CCDC178: variants seen among roughly 807,000 people sequenced by gnomAD.
CCDC178 encodes coiled-coil domain containing 178.
A neutral mutation model predicts 117.4 loss-of-function variants in CCDC178; 126 were observed. The ratio of observed to expected loss-of-function variants is 1.07; its 90% CI spans 0.93 to 1.24. The LOEUF is 1.24. Among genes scored for constraint, CCDC178 ranks in the 50% most tolerant of loss-of-function variants. The probability of loss-of-function intolerance (pLI) is 0.00; values close to 1 mark genes in which losing one functional copy is unlikely to be tolerated. For missense variants in CCDC178, 1,030 were observed against 986.9 expected, an observed-to-expected ratio of 1.04 and a Z score of -0.59; for synonymous variants, 283 against 313.4, an observed-to-expected ratio of 0.90 and a Z score of 1.02.
At chr18:33,354,168 T>A (rs558772643) in intron 7 of CCDC178, among the ~76,000 whole-genome samples, 2 of 152,268 alleles carry the variant, frequency 1.3e-5, no homozygotes, top group East Asian at 3.9e-4. Context: ...GTACTGAGGG[T>A]CCCTGGTACA....
intron 11 of CCDC178, among the ~76,000 whole-genome samples, chr18:33,307,936 G>A (rs1413219191): frequency 1.3e-5 from 2 of 152,230 alleles, no homozygotes; most frequent in South Asian, 2.1e-4. Context: ...ACACATGGAT[G>A]TCCAGGAAGA....
chr18:33,140,278 C>T (rs1162555047), intron 20 of CCDC178, among the ~76,000 whole-genome samples: 1 of 152,110 alleles, frequency 6.6e-6, no homozygotes, highest in East Asian at 1.9e-4. Context: ...TGGGGCATCA[C>T]CTAGTGGAGT....
chr18:33,128,994 G>A (rs559621371), intron 20 of CCDC178, among the ~76,000 whole-genome samples: 146 of 152,126 alleles, frequency 9.6e-4, no homozygotes, highest in African/African-American at 3.3e-3. Flanking sequence ...GAATGAAACC[G>A]TTATGAGATA....
intron 2 of CCDC178, among the ~76,000 whole-genome samples, chr18:33,431,057 C>T (rs1399607417): frequency 7.0e-6 from 1 of 142,904 alleles, no homozygotes; most frequent in Non-Finnish European, 1.5e-5. Context: ...CCTGGGCAAC[C>T]GTGCGAGACT....
intron 17 of CCDC178, among the ~76,000 whole-genome samples, chr18:33,223,448 A>G (rs1414775968): frequency 6.6e-6 from 1 of 152,168 alleles, no homozygotes; most frequent in Non-Finnish European, 1.5e-5. Flanking sequence ...TAGTTAAGTA[A>G]CAAAAATAAA....
intron 20 of CCDC178, among the ~76,000 whole-genome samples, chr18:33,103,844 T>C (rs1364439114): frequency 6.6e-6 from 1 of 151,796 alleles, no homozygotes; most frequent in Non-Finnish European, 1.5e-5. Context: ...TAAAGTTTAA[T>C]TTCATGGGCA....
chr18:33,323,583 T>C lies in CCDC178; in HGVS notation c.930A>G (p.Glu310=). The change falls in exon 11 of 23, where the codon GAA becomes GAG. Residue 310 remains glutamate, a synonymous_variant. Coordinates refer to ENST00000383096, the MANE Select transcript of CCDC178 (RefSeq NM_001105528.4). The part of the protein sequence containing the change: ...KVNEELEEAL[E]ACENARLKAQ... ...CCTTCAATCTGGCATTTTCACAGGC[T>C]TCTAAAGCTTCTTCAAGTTCTTCAT... 6.4e-7 allele frequency: 1 copy of C among 1,562,860 alleles called. No individual in the cohort carries two copies. Among genetic ancestry groups the C allele is most frequent in the Admixed American group, 1.8e-5 (1 of 54,164 alleles).
intron 10 of CCDC178, among the ~76,000 whole-genome samples, chr18:33,331,308 A>C (rs1046946234): frequency 1.3e-5 from 2 of 152,058 alleles, no homozygotes; most frequent in African/African-American, 4.8e-5. Flanking sequence ...TAAGTTGCTT[A>C]AACAAGGTTG....
intron 20 of CCDC178, among the ~76,000 whole-genome samples, chr18:33,143,410 G>C (rs535481883): frequency 1.3e-5 from 2 of 152,258 alleles, no homozygotes; most frequent in Admixed American, 6.5e-5. Context: ...ATCACATTGT[G>C]AGTTAGGAGG....
chr18:33,345,904 T>C (rs1201046143), intron 9 of CCDC178, among the ~76,000 whole-genome samples: 2 of 152,174 alleles, frequency 1.3e-5, no homozygotes, highest in East Asian at 1.9e-4. Flanking sequence ...TGGGGCTCAC[T>C]GCAGCCTCAA....
At chr18:33,095,897 A>G (rs1049217203) in intron 20 of CCDC178, among the ~76,000 whole-genome samples, 1 of 151,956 alleles carries the variant, frequency 6.6e-6, no homozygotes, top group Non-Finnish European at 1.5e-5. Context: ...TTTAACAAGA[A>G]TTCTTTATTT....
At chr18:33,106,892 A>C (rs749969724) in intron 20 of CCDC178, among the ~76,000 whole-genome samples, 2 of 151,776 alleles carry the variant, frequency 1.3e-5, no homozygotes, top group Admixed American at 6.6e-5. Context: ...TTAAAGAAGA[A>C]GGCTACAAGC....
At chr18:33,041,204 C>T (rs1190640839) in intron 21 of CCDC178, among the ~76,000 whole-genome samples, 1 of 151,720 alleles carries the variant, frequency 6.6e-6, no homozygotes, top group Non-Finnish European at 1.5e-5. Context: ...ATAATCTTAT[C>T]ACCCTATAAA....
intron 11 of CCDC178, among the ~76,000 whole-genome samples, chr18:33,308,014 G>T (rs1438375473): frequency 6.6e-6 from 1 of 152,226 alleles, no homozygotes; most frequent in Admixed American, 6.5e-5. Context: ...GGAATGTGGG[G>T]TCAGAGCTCC....
intron 19 of CCDC178, among the ~76,000 whole-genome samples, chr18:33,212,576 C>A (rs539226944): frequency 4.6e-5 from 7 of 151,820 alleles, no homozygotes; most frequent in Non-Finnish European, 8.8e-5. Flanking sequence ...GCTTGCTCTG[C>A]CAATTATGTA....
intron 2 of CCDC178, among the ~76,000 whole-genome samples, chr18:33,414,475 G>A (rs752365505): frequency 2.0e-5 from 3 of 152,132 alleles, no homozygotes; most frequent in Non-Finnish European, 2.9e-5. Flanking sequence ...AATAAACAGT[G>A]CTGGGAAAAC....
intron 11 of CCDC178, among the ~76,000 whole-genome samples, chr18:33,308,839 G>A (rs2062295520): frequency 6.6e-6 from 1 of 152,138 alleles, no homozygotes; most frequent in Non-Finnish European, 1.5e-5. Context: ...GAAGAAGGAT[G>A]TGTTTGCTTC....
chr18:32,959,632 C>A (rs1284092988), intron 22 of CCDC178, among the ~76,000 whole-genome samples: 2 of 151,806 alleles, frequency 1.3e-5, no homozygotes, highest in Non-Finnish European at 2.9e-5. Context: ...CTGCACTGTT[C>A]ATTGTTTTAT....
chr18:33,235,774 G>A (rs1347620065), intron 15 of CCDC178, among the ~76,000 whole-genome samples: 2 of 152,098 alleles, frequency 1.3e-5, no homozygotes, highest in Non-Finnish European at 2.9e-5. Flanking sequence ...ATTTTTGGTT[G>A]CAATGTCGCA....
Sources: allele counts gnomAD v4.1 joint callset (sites outside exome capture counted in the v4.1 genomes callset), GRCh38; gene constraint gnomAD v4.1.1; transcripts MANE v1.5; gene names NCBI Gene and HGNC (gene_info 2026-07-23, HGNC 2026-07-21).